Variants in ZNF713 observed in about 807,000 individuals in gnomAD.
ZNF713 encodes the protein zinc finger protein 713.
A neutral mutation model predicts 28.7 loss-of-function variants in ZNF713; 21 were observed. The observed-to-expected ratio is 0.73, with a 90% CI of 0.52 to 1.05. The LOEUF (loss-of-function observed/expected upper bound fraction) is 1.05. ZNF713 is among the 50% of genes least tolerant of loss of function. The pLI is 0.00. For missense variants in ZNF713, 458 were observed against 532.4 expected (o/e 0.86, Z 1.37); for synonymous variants, 167 against 178.0 (o/e 0.94, Z 0.49).
chr7:55,904,769 C>G (rs920408982), intron 1 of ZNF713, among the ~76,000 whole-genome samples: 2 of 152,240 alleles, frequency 1.3e-5, no homozygotes, highest in East Asian at 1.9e-4. Context: ...CTCTGTCACC[C>G]AGGCTGGAGT....
At chr7:55,937,332 A>G (rs952713269) in intron 6 of ZNF713, among the ~76,000 whole-genome samples, 14 of 151,840 alleles carry the variant, frequency 9.2e-5, no homozygotes, top group Non-Finnish European at 1.9e-4. Flanking sequence ...TAAAATTAAA[A>G]AAAACTACAG....
rs1785301075 is a variant in ZNF713 at position 55,887,871 on chromosome 7, C to CA, written c.-583+191_-583+192insA. On this transcript the variant is annotated intron_variant, in intron 1 of 6. Coordinates refer to ENST00000429591, the MANE Select transcript of ZNF713 (RefSeq NM_182633.3). ...GGCGGCGGCGGGCGGCGGGCGGCGG[C>CA]GGCGGCGGCGGCGGCGGGCGGCGGC... Among the ~76,000 whole-genome samples the CA allele has an allele frequency of 7.3e-4, 2 of 2,740 alleles. 1 individual carries two copies. The highest frequency in any genetic ancestry group is 3.6e-3 in the African/African-American group (2 of 552). 1.8% of individuals were successfully genotyped at this position (2,740 alleles called of 152,430 possible). A position where few individuals can be genotyped will look rare whatever the true frequency, so the allele number is the denominator to read the frequency against.
At chr7:55,915,141 A>G (rs1785857478) in intron 4 of ZNF713, among the ~76,000 whole-genome samples, 1 of 152,226 alleles carries the variant, frequency 6.6e-6, no homozygotes, top group South Asian at 2.1e-4. Flanking sequence ...CATTTGGTTT[A>G]TTCTTAATTA....
At chr7:55,927,766 G>C (rs189177036) in intron 6 of ZNF713, among the ~76,000 whole-genome samples, 1 of 151,440 alleles carries the variant, frequency 6.6e-6, no homozygotes, top group African/African-American at 2.4e-5. Flanking sequence ...GCTTGGTGGC[G>C]TGCACCTGTA....
intron 1 of ZNF713, 124 bp downstream of exon 1, chr7:55,887,804 G>C (rs1180218183): frequency 0.012 from 39 of 3,346 alleles, 8 homozygotes; most frequent in African/African-American, 0.025. Context: ...CGGAGGCGGG[G>C]GGCGGCGGGC....
rs529995712 is a variant in ZNF713 at position 55,900,416 on chromosome 7, C to CGGCT, written c.-582-5836_-582-5835insGCTG. Among the ~76,000 whole-genome samples the CGGCT allele has an allele frequency of 9.4e-4, 143 of 151,326 alleles. 1 individual carries two copies. The Middle Eastern group carries it at 0.01, about 11-fold the overall frequency. On this transcript the variant is annotated intron_variant, in intron 1 of 6. Coordinates refer to ENST00000429591, the MANE Select transcript of ZNF713 (RefSeq NM_182633.3). ...CCGGGAGGTGGAAGTTGCAGTGAGCCGAGATTGCACCACTGCACTCCAGCC... is the reference window on the plus strand; with the variant it reads ...CCGGGAGGTGGAAGTTGCAGTGAGCCGGCTGAGATTGCACCACTGCACTCCAGCC...
intron 1 of ZNF713, among the ~76,000 whole-genome samples, chr7:55,892,277 CAAAAAAAAAAAAAAA>C (rs71561974): frequency 1.2e-4 from 7 of 60,502 alleles, no homozygotes; most frequent in Non-Finnish European, 1.8e-4. Flanking sequence ...GACTCCATCT[CAAAAAAAAAAAAAAA>C]AAAAAAAAAA....
At chr7:55,903,217 T>G (rs958283949) in intron 1 of ZNF713, among the ~76,000 whole-genome samples, 2 of 152,098 alleles carry the variant, frequency 1.3e-5, no homozygotes, top group African/African-American at 4.8e-5. Flanking sequence ...CAAATATTTA[T>G]TAAGTGCCTT....
chr7:55,896,601 G>GTATATA (rs4049408), intron 1 of ZNF713, among the ~76,000 whole-genome samples: 11 of 149,302 alleles, frequency 7.4e-5, no homozygotes, highest in South Asian at 6.3e-4. Context: ...GTGTGTGTGT[G>GTATATA]TATATATATA....
At chr7:55,891,296 G>A (rs958797225) in intron 1 of ZNF713, among the ~76,000 whole-genome samples, 5 of 152,040 alleles carry the variant, frequency 3.3e-5, no homozygotes, top group East Asian at 1.9e-4. Flanking sequence ...CTCCATTTAC[G>A]CCTGCAAAAT....
rs371223033 is a variant in ZNF713, at chr7:55,916,052, G to A, written c.87+3329G>A. Among the ~76,000 whole-genome samples the A allele has an allele frequency of 9.2e-5, 14 of 152,296 alleles. No individual in the cohort carries two copies. The South Asian group carries it at 1.0e-3, about 11-fold the overall frequency. On this transcript the variant is annotated intron_variant, in intron 4 of 6. Transcript: ENST00000429591. Reference sequence around the variant, plus strand: ...TTTCCTTTGGAAACAGCAGAGATTAGCTAAGGGGTAAAAGCAAAGGAAGAA... The same window carrying A: ...TTTCCTTTGGAAACAGCAGAGATTAACTAAGGGGTAAAAGCAAAGGAAGAA...
At chr7:55,929,251 C>T (rs1011381978) in intron 6 of ZNF713, among the ~76,000 whole-genome samples, 22 of 151,984 alleles carry the variant, frequency 1.4e-4, no homozygotes, top group Non-Finnish European at 8.8e-5. Context: ...AAAGGAAAAT[C>T]GATGAGGGAG....
intron 1 of ZNF713, among the ~76,000 whole-genome samples, chr7:55,892,400 T>G (rs1404764632): frequency 6.7e-6 from 1 of 148,848 alleles, no homozygotes; most frequent in Non-Finnish European, 1.5e-5. Context: ...TGGGGACTGG[T>G]GTAGGGGTGA....
intron 6 of ZNF713, among the ~76,000 whole-genome samples, chr7:55,929,479 C>T (rs1449530828): frequency 6.6e-6 from 1 of 152,124 alleles, no homozygotes; most frequent in African/African-American, 2.4e-5. Flanking sequence ...TGTGCACCTC[C>T]TCATATATGG....
At chr7:55,927,398 C>T (rs868676027) in intron 6 of ZNF713, among the ~76,000 whole-genome samples, 3 of 151,270 alleles carry the variant, frequency 2.0e-5, no homozygotes, top group Non-Finnish European at 4.4e-5. Flanking sequence ...AGGTATGAGC[C>T]TGTAGTCTCT....
intron 1 of ZNF713, among the ~76,000 whole-genome samples, chr7:55,900,534 T>C (rs1785556938): frequency 6.6e-6 from 1 of 152,110 alleles, no homozygotes; most frequent in African/African-American, 2.4e-5. Flanking sequence ...AGGGAAATTA[T>C]ATTATTCGTG....
rs1481528350 is a variant in ZNF713, at chr7:55,940,699, C to A, written c.*693C>A. ...GAGGTTGCTGTGAGCTGAGATCATG[C>A]CACTGTACTCCAGCCTGGGCAACAG... On this transcript the variant is annotated 3_prime_UTR_variant, in exon 7 of 7. Coordinates refer to ENST00000429591, the MANE Select transcript of ZNF713 (RefSeq NM_182633.3). The A allele has an allele frequency of 1.1e-5, 3 of 272,500 alleles. No individual in the cohort carries two copies. The highest frequency in any genetic ancestry group is 1.7e-5 in the Non-Finnish European group (3 of 181,414). The allele number at this position is 272,500 out of a possible 1,614,324, so 16.9% of individuals were successfully genotyped here. A position where few individuals can be genotyped will look rare whatever the true frequency, so the allele number is the denominator to read the frequency against.
chr7:55,921,271 G>T (rs1466852514), intron 4 of ZNF713, among the ~76,000 whole-genome samples: 1 of 152,156 alleles, frequency 6.6e-6, no homozygotes, highest in Non-Finnish European at 1.5e-5. Flanking sequence ...TGTACAAGAA[G>T]ACTAATGCTG....
At chr7:55,938,059 C>T (rs1218400504) in intron 6 of ZNF713, among the ~76,000 whole-genome samples, 4 of 152,068 alleles carry the variant, frequency 2.6e-5, no homozygotes, top group Non-Finnish European at 5.9e-5. Flanking sequence ...CAAAAATTAG[C>T]TGGGTGTGAT....
Sources: gnomAD v4.1 joint callset for allele counts (sites outside exome capture counted in the v4.1 genomes callset) on GRCh38, gnomAD v4.1.1 for gene constraint, MANE v1.5 for transcripts, NCBI Gene and HGNC (gene_info 2026-07-23, HGNC 2026-07-21) for gene names.